Variants in MTAP observed in about 807,000 individuals in gnomAD.
MTAP encodes the protein S-methyl-5'-thioadenosine phosphorylase.
A neutral mutation model predicts 33.6 loss-of-function variants in MTAP; 33 were observed. That is an observed-to-expected ratio of 0.98 (90% CI 0.74 to 1.31). The LOEUF (loss-of-function observed/expected upper bound fraction) is 1.31, where lower values mean the gene tolerates loss of function less well. Among genes scored for constraint, MTAP ranks in the 40% most tolerant of loss-of-function variants. The pLI, the probability that MTAP is intolerant of heterozygous loss-of-function variation, is 0.00. For synonymous variants in MTAP, 148 were observed against 125.7 expected (o/e 1.18, Z -1.19); for missense variants, 367 against 360.0 (o/e 1.02, Z -0.16).
chr9:21,923,688 C>G (rs1272668075), intron 1 of MTAP, among the ~76,000 whole-genome samples: 5 of 152,108 alleles, frequency 3.3e-5, no homozygotes. Context: ...ACTTCCATAC[C>G]CTCCTCAATG....
intron 1 of MTAP, among the ~76,000 whole-genome samples, chr9:21,804,863 G>C (rs775647076): frequency 1.3e-5 from 2 of 152,196 alleles, no homozygotes; most frequent in Admixed American, 1.3e-4. Flanking sequence ...CCTAGAGCCT[G>C]GCATTCCACC....
rs1818744010 is a variant in MTAP at position 21,919,171 on chromosome 9, T to C, written c.148-11837T>C. 5.3e-5 allele frequency among the ~76,000 whole-genome samples: 8 copies of C among 152,124 alleles called. No individual in the cohort carries two copies. The South Asian group carries it at 1.7e-3, about 31-fold the overall frequency. The stretch of plus-strand genomic sequence containing the variant: ...GGGTTTGTAGCTGAAAGAGAGGAAA[T>C]TGGAGACAGCAATTACAGACACTTG... On this transcript the variant is annotated intron_variant, in intron 1 of 1. Transcript: ENST00000577563.
intron 1 of MTAP, among the ~76,000 whole-genome samples, chr9:21,901,942 A>G (rs1022626486): frequency 2.0e-5 from 3 of 152,256 alleles, no homozygotes; most frequent in African/African-American, 7.2e-5. Flanking sequence ...AAAGGAAAAT[A>G]TGACAAATGT....
chr9:21,850,128 T>G (rs1825477359), intron 5 of MTAP, among the ~76,000 whole-genome samples: 1 of 152,200 alleles, frequency 6.6e-6, no homozygotes, highest in African/African-American at 2.4e-5. Context: ...TTGGATCCAG[T>G]GAGCAAGAAG....
At chr9:21,838,943 A>G (rs565977783) in intron 5 of MTAP, among the ~76,000 whole-genome samples, 4 of 152,240 alleles carry the variant, frequency 2.6e-5, no homozygotes, top group Admixed American at 6.5e-5. Flanking sequence ...GCATATAGAG[A>G]GTAGATGATT....
intron 4 of MTAP, among the ~76,000 whole-genome samples, chr9:21,819,489 C>T (rs1587207562): frequency 6.6e-6 from 1 of 152,232 alleles, no homozygotes; most frequent in East Asian, 1.9e-4. Flanking sequence ...TTTATGGCTG[C>T]GTAGTATTCC....
At chr9:21,842,431 G>C (rs1200551380) in intron 5 of MTAP, among the ~76,000 whole-genome samples, 8 of 152,150 alleles carry the variant, frequency 5.3e-5, no homozygotes, top group Non-Finnish European at 1.0e-4. Context: ...ATTGCAAAAA[G>C]ATGATCAGCT....
chr9:21,877,647 T>C (rs191419508), intron 1 of MTAP, among the ~76,000 whole-genome samples: 4 of 152,348 alleles, frequency 2.6e-5, no homozygotes, highest in Admixed American at 2.0e-4. Flanking sequence ...TCTGTTAATG[T>C]GCTGAATCAC....
In MTAP at chr9:21,802,677, A is replaced by G. The variant is rs888750575; in HGVS notation, c.-72A>G. ...CCCGCGCAGTGAGGTTGGCACAGCCACCGCTCTGTGGCTCGCTTGGTTCCC... is the reference window on the plus strand; with the variant it reads ...CCCGCGCAGTGAGGTTGGCACAGCCGCCGCTCTGTGGCTCGCTTGGTTCCC... On this transcript the variant is annotated 5_prime_UTR_variant, in exon 1 of 8. Transcript: ENST00000644715. 3.2e-6 allele frequency: 5 copies of G among 1,583,386 alleles called. No individual in the cohort carries two copies. Among genetic ancestry groups the G allele is most frequent in the African/African-American group, 1.4e-5 (1 of 73,920 alleles).
At chr9:21,820,208 G>A (rs961242136) in intron 4 of MTAP, among the ~76,000 whole-genome samples, 1 of 152,180 alleles carries the variant, frequency 6.6e-6, no homozygotes, top group Non-Finnish European at 1.5e-5. Context: ...TAGTCATGAA[G>A]TCCTTCCCCA....
At chr9:21,909,880 C>T (rs557097809) in intron 1 of MTAP, among the ~76,000 whole-genome samples, 88 of 152,224 alleles carry the variant, frequency 5.8e-4, no homozygotes, top group African/African-American at 2.1e-3. Flanking sequence ...CTTGCCCAAG[C>T]CACACATAAT....
In MTAP at chr9:21,816,651, A is replaced by G. The variant is rs368516427; in HGVS notation, c.121-63A>G. ...CCATGAGTCCTGTTGTGGTTGAACAATTATAATTTACATACCTGTTTTTAA... is the reference window on the plus strand; with the variant it reads ...CCATGAGTCCTGTTGTGGTTGAACAGTTATAATTTACATACCTGTTTTTAA... On this transcript the variant is annotated intron_variant, in intron 2 of 7. Coordinates refer to ENST00000644715, the MANE Select transcript of MTAP (RefSeq NM_002451.4). The G allele has an allele frequency of 7.5e-5, 110 of 1,464,912 alleles. No individual in the cohort carries two copies. In the African/African-American group the frequency reaches 1.3e-3, roughly 17 times the overall value. The allele number at this position is 1,464,912 out of a possible 1,614,324, so 90.7% of individuals were successfully genotyped here. A position where few individuals can be genotyped will look rare whatever the true frequency, so the allele number is the denominator to read the frequency against.
chr9:21,864,099 G>T lies in MTAP; in HGVS notation c.*2085G>T, dbSNP rs10117507. On this transcript the variant is annotated 3_prime_UTR_variant, in exon 8 of 8. Coordinates refer to ENST00000644715, the MANE Select transcript of MTAP (RefSeq NM_002451.4). ...GGTGTCTAAGAATGTCAGGGCAAAA[G>T]TATGGGCATTTTTCTTGCTATGTTC... is the stretch of plus-strand genomic sequence containing the variant. The T allele has an allele frequency of 9.1e-6, 9 of 985,210 alleles. No individual in the cohort carries two copies. Among genetic ancestry groups the T allele is most frequent in the Non-Finnish European group, 9.6e-6 (8 of 829,892 alleles). The allele number at this position is 985,210 out of a possible 1,614,324, so 61.0% of individuals were successfully genotyped here. A position where few individuals can be genotyped will look rare whatever the true frequency, so the allele number is the denominator to read the frequency against.
intron 1 of MTAP, among the ~76,000 whole-genome samples, chr9:21,890,637 T>G (rs1296337048): frequency 3.9e-5 from 6 of 152,180 alleles, no homozygotes; most frequent in South Asian, 2.1e-4. Context: ...TACTGCTGCT[T>G]CTTCTACCTT....
chr9:21,883,003 A>T (rs1461532563), intron 1 of MTAP, among the ~76,000 whole-genome samples: 3 of 151,926 alleles, frequency 2.0e-5, no homozygotes, highest in Admixed American at 1.3e-4. Context: ...TGAGGCCCCT[A>T]ACTCAAGAAG....
At chr9:21,915,081 TTTCC>T (rs1818663463) in intron 1 of MTAP, among the ~76,000 whole-genome samples, 3 of 128,968 alleles carry the variant, frequency 2.3e-5, no homozygotes, top group African/African-American at 1.1e-4. Flanking sequence ...TCTTTCTTTC[TTTCC>T]TTTCTTTCTT....
chr9:21,862,550 G>A lies in MTAP; in HGVS notation c.*536G>A, dbSNP rs1134870. The A allele has an allele frequency of 0.09, 13,636 of 152,150 alleles. 852 individuals are homozygous for A. Among genetic ancestry groups the A allele is most frequent in the Non-Finnish European group, 0.14 (9,751 of 67,992 alleles). The allele number at this position is 152,150 out of a possible 1,614,324, so 9.4% of individuals were successfully genotyped here. The stretch of plus-strand genomic sequence containing the variant: ...CATACAAAGAATTATATATAAAGAA[G>A]GGTGTTTAATAATGATAGTTATAAT... On this transcript the variant is annotated 3_prime_UTR_variant, in exon 8 of 8. Transcript: ENST00000644715.
chr9:21,939,316 A>C (rs1368618731), downstream of MTAP, among the ~76,000 whole-genome samples: 1 of 152,242 alleles, frequency 6.6e-6, no homozygotes, highest in African/African-American at 2.4e-5. Context: ...ATGTATTGAT[A>C]ATAATGATAA....
At chr9:21,884,886 A>G (rs1818084460) in intron 1 of MTAP, among the ~76,000 whole-genome samples, 1 of 152,158 alleles carries the variant, frequency 6.6e-6, no homozygotes, top group African/African-American at 2.4e-5. Flanking sequence ...ACTAAACTAT[A>G]TTATTCAAGG....
Sources: allele counts gnomAD v4.1 joint callset (sites outside exome capture counted in the v4.1 genomes callset), GRCh38; gene constraint gnomAD v4.1.1; transcripts MANE v1.5; gene names NCBI Gene and HGNC (gene_info 2026-07-23, HGNC 2026-07-21).